MRC2: variants seen among roughly 807,000 people sequenced by gnomAD.
MRC2 encodes the protein C-type mannose receptor 2.
Under a neutral mutation model 206.2 loss-of-function variants are expected in MRC2, and 84 were observed. The observed-to-expected ratio is 0.41, with a 90% CI of 0.34 to 0.49. The LOEUF is 0.49. Ranked by LOEUF, MRC2 falls within the 20% of genes least tolerant of loss-of-function variation. The pLI, the probability that MRC2 is intolerant of heterozygous loss-of-function variation, is 0.31. For synonymous variants in MRC2, 798 were observed against 800.0 expected (o/e 1.00, Z 0.04); for missense variants, 1,676 against 2,001.5 (o/e 0.84, Z 3.10).
intron 1 of MRC2, among the ~76,000 whole-genome samples, chr17:62,640,415 G>C (rs2088386724): frequency 6.6e-6 from 1 of 152,160 alleles, no homozygotes; most frequent in African/African-American, 2.4e-5. Context: ...GGCTAGGCAT[G>C]ATTCCTGCTT....
At chr17:62,681,432 G>T (rs2088965234) in intron 18 of MRC2, 1 of 514,886 alleles carries the variant, frequency 1.9e-6, no homozygotes, top group African/African-American at 1.9e-5. Context: ...TCATGACTAA[G>T]GCCCTCTCGG....
rs1362636510 is a variant in MRC2, at chr17:62,666,519, C to G, written c.759C>G (p.Phe253Leu). 1 of 1,613,766 alleles carries G rather than the reference C, an allele frequency of 6.2e-7. No homozygotes were observed. Among genetic ancestry groups the G allele is most frequent in the African/African-American group, 1.3e-5 (1 of 74,914 alleles). ...CTGACAGCTGCTACCAGTTTAACTT[C>G]CAGTCCACGCTGTCGTGGAGGGAGG... is the stretch of plus-strand genomic sequence containing the variant. ...QLTDSCYQFN[F>L]QSTLSWREAW... is the part of the protein sequence containing the mutation. The change falls in exon 4 of 30, where the codon TTC (phenylalanine) becomes TTG (leucine). Residue 253 changes from phenylalanine (F) to leucine (L), a missense_variant. Phe to Leu is a conservative substitution (Grantham distance 22). Transcript: ENST00000303375. This position sits in a 1 kb window ranked among gnomAD's most constrained non-coding sequence, Gnocchi z 5.0.
intron 1 of MRC2, among the ~76,000 whole-genome samples, chr17:62,659,434 G>A (rs2088655335): frequency 6.6e-6 from 1 of 152,102 alleles, no homozygotes; most frequent in Non-Finnish European, 1.5e-5. Context: ...CAGCTACTTG[G>A]GAGGCTGCTG....
intron 1 of MRC2, among the ~76,000 whole-genome samples, chr17:62,635,949 G>A (rs911673263): frequency 1.8e-4 from 28 of 151,996 alleles, no homozygotes; most frequent in South Asian, 1.7e-3. Flanking sequence ...CACCACGCCC[G>A]GCTAATTTTT....
At chr17:62,691,273 C>A (rs535957294) in intron 28 of MRC2, 145 bp downstream of exon 28, 1 of 944,368 alleles carries the variant, frequency 1.1e-6, no homozygotes, top group Non-Finnish European at 1.5e-6. Context: ...CTGGGACCCC[C>A]GGGATAAATT....
chr17:62,638,874 G>A (rs997728469), intron 1 of MRC2, among the ~76,000 whole-genome samples: 6 of 152,046 alleles, frequency 3.9e-5, no homozygotes, highest in African/African-American at 1.5e-4. Flanking sequence ...AGCTGAGATC[G>A]TGCCACTGCA....
chr17:62,675,339 G>T lies in MRC2; in HGVS notation c.1570-451G>T, dbSNP rs928198313. Among the ~76,000 whole-genome samples, 2 of 152,102 alleles carry T rather than the reference G, an allele frequency of 1.3e-5. No homozygotes were observed. Among genetic ancestry groups the T allele is most frequent in the Admixed American group, 6.5e-5 (1 of 15,272 alleles). ...TCTCTGAGCCCCTCCTGCCATCCCC[G>T]GGCCAGGAGCATCCTGCGCCGACTC... On this transcript the variant is annotated intron_variant, in intron 9 of 29. Coordinates refer to ENST00000303375, the MANE Select transcript of MRC2 (RefSeq NM_006039.5). This position sits in a 1 kb window ranked among gnomAD's most constrained non-coding sequence, Gnocchi z 4.1.
intron 20 of MRC2, among the ~76,000 whole-genome samples, chr17:62,687,527 AG>A (rs2089046801): frequency 6.6e-6 from 1 of 152,202 alleles, no homozygotes; most frequent in Non-Finnish European, 1.5e-5. Flanking sequence ...TTCCTAAGAA[AG>A]AGTCTTCACT....
Position 62,671,152 on chromosome 17 carries a change from G to C in MRC2, c.1118-497G>C, listed in dbSNP as rs2088821198. ...AGTGGTGCAATCATGGCTCACTGCA[G>C]CCTTGACCTCCCCGGGTCAAGTGAT... On this transcript the variant is annotated intron_variant, in intron 6 of 29. Coordinates refer to ENST00000303375, the MANE Select transcript of MRC2 (RefSeq NM_006039.5). The surrounding 1 kb of genome is among the most constrained non-coding windows in gnomAD (Gnocchi z 4.5). Among the ~76,000 whole-genome samples the C allele has an allele frequency of 1.3e-5, 2 of 152,324 alleles. No homozygotes were observed. The highest frequency in any genetic ancestry group is 4.8e-5 in the African/African-American group (2 of 41,578).
chr17:62,648,380 C>G (rs1439037910), intron 1 of MRC2, among the ~76,000 whole-genome samples: 1 of 152,200 alleles, frequency 6.6e-6, no homozygotes, highest in African/African-American at 2.4e-5. Flanking sequence ...GGTCCCAGGT[C>G]AACTCCTCCC....
chr17:62,679,604 C>T (rs751742527), intron 13 of MRC2, 196 bp from the exon 14 acceptor site: 15 of 495,948 alleles, frequency 3.0e-5, no homozygotes, highest in Non-Finnish European at 4.3e-5. Context: ...CAGCTCTCCC[C>T]AGCTCTGTCT....
At chr17:62,674,288 C>G (rs1020241637) in intron 9 of MRC2, 118 bp downstream of exon 9, 3 of 702,430 alleles carry the variant, frequency 4.3e-6, no homozygotes, top group African/African-American at 3.6e-5. Flanking sequence ...GTCGGCACCC[C>G]CTTCCCTGAG....
intron 6 of MRC2, among the ~76,000 whole-genome samples, chr17:62,668,737 T>G (rs2088789069): frequency 6.6e-6 from 1 of 152,156 alleles, no homozygotes; most frequent in Non-Finnish European, 1.5e-5. Flanking sequence ...TGAAGATGTT[T>G]AAGCCAGGGA....
intron 20 of MRC2, among the ~76,000 whole-genome samples, chr17:62,686,410 G>A (rs927998807): frequency 2.0e-5 from 3 of 151,952 alleles, no homozygotes; most frequent in African/African-American, 4.8e-5. Context: ...CTGAGATTGC[G>A]CCATTGCACT....
In MRC2 at chr17:62,664,250, C is replaced by T. The variant is rs939333252; in HGVS notation, c.119-298C>T. 2.6e-5 allele frequency among the ~76,000 whole-genome samples: 4 copies of T among 151,974 alleles called. No homozygotes were observed. The highest frequency in any genetic ancestry group is 4.4e-5 in the Non-Finnish European group (3 of 68,006). On this transcript the variant is annotated intron_variant, in intron 1 of 29. Coordinates refer to ENST00000303375, the MANE Select transcript of MRC2 (RefSeq NM_006039.5). This position sits in a 1 kb window ranked among gnomAD's most constrained non-coding sequence, Gnocchi z 4.7. Reference sequence around the variant, plus strand: ...CTGGGATTACAGGCGTGAGCCACCGCGCCCGGCCTGGGTTTGCTTTTGAGG... The same window carrying T: ...CTGGGATTACAGGCGTGAGCCACCGTGCCCGGCCTGGGTTTGCTTTTGAGG...
At chr17:62,628,429 G>A (rs1340316382) in intron 1 of MRC2, among the ~76,000 whole-genome samples, 1 of 152,128 alleles carries the variant, frequency 6.6e-6, no homozygotes, top group African/African-American at 2.4e-5. Flanking sequence ...TGCATCTCGT[G>A]GGCGTTGATA....
intron 1 of MRC2, among the ~76,000 whole-genome samples, chr17:62,660,996 A>C (rs1160984492): frequency 6.6e-6 from 1 of 152,240 alleles, no homozygotes; most frequent in Non-Finnish European, 1.5e-5. Context: ...AACTGTGGTC[A>C]CTTTACGATT....
At chr17:62,638,495 T>C (rs930990532) in intron 1 of MRC2, among the ~76,000 whole-genome samples, 2 of 151,890 alleles carry the variant, frequency 1.3e-5, no homozygotes. Context: ...ATCCCAGCCC[T>C]TTGGGAGGCC....
At chr17:62,658,772 G>A (rs148920665) in intron 1 of MRC2, among the ~76,000 whole-genome samples, 1 of 152,042 alleles carries the variant, frequency 6.6e-6, no homozygotes, top group East Asian at 1.9e-4. Context: ...TTCCTTTTCC[G>A]GCCCCAGGCC....
Sources: gnomAD v4.1 joint callset for allele counts (sites outside exome capture counted in the v4.1 genomes callset) on GRCh38, gnomAD v4.1.1 for gene constraint, Gnocchi (gnomAD v3.1) non-coding constraint, MANE v1.5 for transcripts, NCBI Gene and HGNC (gene_info 2026-07-23, HGNC 2026-07-21) for gene names.